Variants in ITPR1 observed in about 807,000 individuals in gnomAD.
ITPR1 encodes the protein inositol 1,4,5-trisphosphate-gated calcium channel ITPR1.
Under a neutral mutation model 318.4 loss-of-function variants are expected in ITPR1, and 96 were observed. The observed-to-expected ratio is 0.30, with a 90% confidence interval of 0.26 to 0.36. ITPR1 has a LOEUF of 0.36. Among genes scored for constraint, ITPR1 ranks in the 10% least tolerant of loss-of-function variants. The probability of loss-of-function intolerance (pLI) is 1.00; values close to 1 mark genes in which losing one functional copy is unlikely to be tolerated. For synonymous variants in ITPR1, 1,312 were observed against 1,289.9 expected, an observed-to-expected ratio of 1.02 and a Z score of -0.37; for missense variants, 2,440 against 3,460.2, an observed-to-expected ratio of 0.71 and a Z score of 7.40.
chr3:4,645,561 C>A (rs751690395), intron 9 of ITPR1, 21 bp from the exon 10 acceptor site: 1 of 1,611,344 alleles, frequency 6.2e-7, no homozygotes, highest in South Asian at 1.1e-5. Flanking sequence ...TTCCTTAATT[C>A]TTTCTTGTGT....
chr3:4,625,339 T>C (rs553320151), intron 4 of ITPR1, among the ~76,000 whole-genome samples: 1 of 152,298 alleles, frequency 6.6e-6, no homozygotes, highest in East Asian at 1.9e-4. Flanking sequence ...ACCTAGTGTT[T>C]ATGTACTTGA....
intron 4 of ITPR1, among the ~76,000 whole-genome samples, chr3:4,564,033 C>T (rs762566712): frequency 2.6e-5 from 4 of 152,056 alleles, no homozygotes; most frequent in Admixed American, 1.3e-4. Flanking sequence ...CCTCCACCTC[C>T]GGGGTTCAAG....
At position 4,515,886 on chromosome 3, in the gene ITPR1, A is replaced by G. The variant is rs528060821; in HGVS notation, c.-16-590A>G. ...TGAGAAGGCAAGACATTTAAGTAGC[A>G]TTTGGGTGACATGCGTACAGTTGTG... is the stretch of plus-strand genomic sequence containing the variant. On this transcript the variant is annotated intron_variant, in intron 2 of 61. Coordinates refer to ENST00000649015, the MANE Select transcript of ITPR1 (RefSeq NM_001378452.1). Among the ~76,000 whole-genome samples the G allele has an allele frequency of 4.6e-5, 7 of 152,294 alleles. No individual in the cohort carries two copies. The East Asian group carries it at 1.2e-3, about 25-fold the overall frequency.
intron 44 of ITPR1, among the ~76,000 whole-genome samples, chr3:4,741,030 G>T (rs537073424): frequency 6.6e-6 from 1 of 152,246 alleles, no homozygotes; most frequent in African/African-American, 2.4e-5. Context: ...CAGGGCTCAC[G>T]GCACTTTCAT....
intron 39 of ITPR1, among the ~76,000 whole-genome samples, chr3:4,715,789 G>T (rs1233228104): frequency 2.0e-5 from 3 of 152,122 alleles, no homozygotes; most frequent in Non-Finnish European, 4.4e-5. Context: ...GGAGGTGGAG[G>T]TTGTAGTGAG....
At chr3:4,583,371 G>A (rs992615346) in intron 4 of ITPR1, among the ~76,000 whole-genome samples, 1 of 152,028 alleles carries the variant, frequency 6.6e-6, no homozygotes, top group Non-Finnish European at 1.5e-5. Context: ...TCATAGCATG[G>A]ACACCCGTTC....
chr3:4,496,198 AG>A (rs1386809029), intron 2 of ITPR1, among the ~76,000 whole-genome samples: 1 of 152,216 alleles, frequency 6.6e-6, no homozygotes, highest in Non-Finnish European at 1.5e-5. Flanking sequence ...ATAATTCGAA[AG>A]TTTAAACTGC....
intron 5 of ITPR1, among the ~76,000 whole-genome samples, chr3:4,634,686 GT>G (rs2093125065): frequency 1.3e-5 from 2 of 152,154 alleles, no homozygotes; most frequent in African/African-American, 4.8e-5. Context: ...TTATTTTGAT[GT>G]TTTCCCTACT....
intron 4 of ITPR1, among the ~76,000 whole-genome samples, chr3:4,613,517 A>G (rs2092253298): frequency 6.6e-6 from 1 of 152,162 alleles, no homozygotes; most frequent in African/African-American, 2.4e-5. Flanking sequence ...GGGCCAGGGA[A>G]TGCTCATTGC....
At chr3:4,648,260 A>G (rs768105578) in intron 10 of ITPR1, among the ~76,000 whole-genome samples, 4 of 152,018 alleles carry the variant, frequency 2.6e-5, no homozygotes, top group Non-Finnish European at 5.9e-5. Flanking sequence ...CCCTCTATCC[A>G]TTTTCCCCTT....
chr3:4,570,151 G>A (rs1438101808), intron 4 of ITPR1, among the ~76,000 whole-genome samples: 1 of 152,108 alleles, frequency 6.6e-6, no homozygotes, highest in Admixed American at 6.5e-5. Context: ...CTTTATCTGA[G>A]GCAAATGTGA....
intron 40 of ITPR1, among the ~76,000 whole-genome samples, chr3:4,720,517 G>T (rs1446150576): frequency 1.3e-5 from 2 of 152,180 alleles, no homozygotes; most frequent in Non-Finnish European, 2.9e-5. Flanking sequence ...TCTGTAGAAG[G>T]GATTGGTGTG....
intron 12 of ITPR1, among the ~76,000 whole-genome samples, chr3:4,656,415 T>G (rs1456993232): frequency 6.6e-6 from 1 of 152,198 alleles, no homozygotes; most frequent in Non-Finnish European, 1.5e-5. Flanking sequence ...AAGTTCTTAC[T>G]CCTAAACTGC....
At chr3:4,818,946 G>A (rs1032736358) in intron 60 of ITPR1, among the ~76,000 whole-genome samples, 1 of 152,192 alleles carries the variant, frequency 6.6e-6, no homozygotes, top group Admixed American at 6.5e-5. Flanking sequence ...GTTCAGGGGT[G>A]GATAGTGGCG....
At chr3:4,596,125 A>G (rs1483662594) in intron 4 of ITPR1, 1 of 152,184 alleles carries the variant, frequency 6.6e-6, no homozygotes, top group Non-Finnish European at 1.5e-5. Context: ...ACTTCTCTGC[A>G]CTTTGGAAAG....
At position 4,699,763 on chromosome 3, in the gene ITPR1, G is replaced by A. The variant is rs201483668; in HGVS notation, c.4408-50G>A. On this transcript the variant is annotated intron_variant, in intron 34 of 61. Transcript: ENST00000649015. The stretch of plus-strand genomic sequence containing the variant: ...AGGAGGGAGTCGCAGATTTCTTAAT[G>A]TTTGGTGTAGGTTTTGGTGTAATGC... 5.4e-3 allele frequency: 8,528 copies of A among 1,587,496 alleles called. 40 individuals carry two copies. The highest frequency in any genetic ancestry group is 0.012 in the Middle Eastern group (73 of 5,960).
chr3:4,724,858 C>T (rs1451441575), intron 40 of ITPR1, among the ~76,000 whole-genome samples: 1 of 152,108 alleles, frequency 6.6e-6, no homozygotes, highest in East Asian at 1.9e-4. Flanking sequence ...ATCTGTGTGG[C>T]ATGGCTGGGA....
intron 4 of ITPR1, among the ~76,000 whole-genome samples, chr3:4,567,165 T>C (rs57830981): frequency 0.018 from 2,752 of 152,308 alleles, 80 homozygotes; most frequent in African/African-American, 0.063. Flanking sequence ...TGTAATGTGT[T>C]CAATTAGCAT....
chr3:4,513,321 C>T (rs1396422084), intron 2 of ITPR1, among the ~76,000 whole-genome samples: 3 of 152,192 alleles, frequency 2.0e-5, no homozygotes, highest in Admixed American at 2.0e-4. Flanking sequence ...CCCCCATCTC[C>T]TTCCTCCACT....
Sources: gnomAD v4.1 joint callset for allele counts (sites outside exome capture counted in the v4.1 genomes callset) on GRCh38, gnomAD v4.1.1 for gene constraint, MANE v1.5 for transcripts, NCBI Gene and HGNC (gene_info 2026-07-23, HGNC 2026-07-21) for gene names.